The following AKAP6 variants were observed in gnomAD, a reference collection of about 807,000 sequenced individuals.
AKAP6 encodes the protein A-kinase anchoring protein 6.
Under a neutral mutation model 188.5 loss-of-function variants are expected in AKAP6, and 58 were observed. That is an observed-to-expected ratio of 0.31 (90% CI 0.25 to 0.38). AKAP6 has a LOEUF of 0.38. Ranked by LOEUF, AKAP6 falls within the 10% of genes least tolerant of loss-of-function variation. The pLI, the probability that AKAP6 is intolerant of heterozygous loss-of-function variation, is 1.00. For missense variants in AKAP6, 2,710 were observed against 2,740.0 expected (o/e 0.99, Z 0.24); for synonymous variants, 989 against 998.6 (o/e 0.99, Z 0.18).
At chr14:32,817,507 G>A (rs1323283803) in intron 12 of AKAP6, among the ~76,000 whole-genome samples, 1 of 151,816 alleles carries the variant, frequency 6.6e-6, no homozygotes, top group Non-Finnish European at 1.5e-5. Flanking sequence ...GTGTGTGTGT[G>A]TGTGTGTGTG....
intron 9 of AKAP6, among the ~76,000 whole-genome samples, chr14:32,705,693 C>A (rs934373040): frequency 2.0e-5 from 3 of 152,062 alleles, no homozygotes; most frequent in Admixed American, 1.3e-4. Context: ...TCAGGCTAGG[C>A]TAGGGTATGC....
intron 1 of AKAP6, among the ~76,000 whole-genome samples, chr14:32,384,258 G>A (rs992312577): frequency 5.9e-5 from 9 of 152,082 alleles, no homozygotes; most frequent in East Asian, 1.9e-4. Flanking sequence ...TTCTTTACTC[G>A]GTAAATTTTC....
chr14:32,821,751 G>A lies in AKAP6; in HGVS notation c.3938G>A (p.Gly1313Asp). Reference protein sequence around the residue: ...PFLKNNPKVTGMTQPNVLTKS... With the variant: ...PFLKNNPKVTDMTQPNVLTKS... ...CTGAAAAACAATCCAAAGGTCACTGGCATGACACAGCCTAATGTTTTAACT... is the reference window on the plus strand; with the variant it reads ...CTGAAAAACAATCCAAAGGTCACTGACATGACACAGCCTAATGTTTTAACT... Residue 1313 changes from glycine (G) to aspartate (D), a missense_variant, in exon 13 of 14, where the codon GGC becomes GAC. Gly to Asp is a moderately conservative substitution (Grantham distance 94). This residue lies in a region of AKAP6 where 2,473 missense variants were observed against 2,426.1 expected (regional missense o/e 1.02). Transcript: ENST00000280979. 1 of 1,613,692 alleles carries A rather than the reference G, an allele frequency of 6.2e-7. No individual in the cohort carries two copies. Among genetic ancestry groups the A allele is most frequent in the Non-Finnish European group, 8.5e-7 (1 of 1,179,908 alleles).
intron 1 of AKAP6, among the ~76,000 whole-genome samples, chr14:32,336,980 G>A (rs1886725301): frequency 6.6e-6 from 1 of 152,172 alleles, no homozygotes; most frequent in Admixed American, 6.5e-5. Flanking sequence ...TCCCTTGGAA[G>A]AAATCCGCTT....
At chr14:32,501,036 G>A (rs1233145563) in intron 2 of AKAP6, among the ~76,000 whole-genome samples, 1 of 152,106 alleles carries the variant, frequency 6.6e-6, no homozygotes, top group Non-Finnish European at 1.5e-5. Context: ...TTCAAGGACT[G>A]AGGTTCCTTC....
At chr14:32,736,786 C>T (rs1022179223) in intron 11 of AKAP6, among the ~76,000 whole-genome samples, 4 of 133,932 alleles carry the variant, frequency 3.0e-5, no homozygotes, top group African/African-American at 7.5e-5. Context: ...TCCAGTAATC[C>T]GTCAGAAAAT....
chr14:32,630,920 G>C (rs1209977059), intron 7 of AKAP6, among the ~76,000 whole-genome samples: 1 of 151,970 alleles, frequency 6.6e-6, no homozygotes, highest in Non-Finnish European at 1.5e-5. Flanking sequence ...ATATTCTTCT[G>C]GCTTCTTTTG....
chr14:32,466,670 C>T (rs1271255604), intron 2 of AKAP6, among the ~76,000 whole-genome samples: 1 of 149,486 alleles, frequency 6.7e-6, no homozygotes, highest in Non-Finnish European at 1.5e-5. Flanking sequence ...TGCAGCAAAC[C>T]ACCATGGCCC....
intron 2 of AKAP6, among the ~76,000 whole-genome samples, chr14:32,505,572 C>A (rs1880829534): frequency 1.3e-5 from 2 of 151,748 alleles, no homozygotes; most frequent in Admixed American, 6.6e-5. Flanking sequence ...CATATTGGAG[C>A]CTAAGCCAAA....
chr14:32,798,020 A>G (rs537349854), intron 12 of AKAP6, among the ~76,000 whole-genome samples: 84 of 152,246 alleles, frequency 5.5e-4, no homozygotes, highest in African/African-American at 1.9e-3. Context: ...AATATCCAGA[A>G]TCTAGAAGGA....
chr14:32,456,847 G>A (rs17099165), intron 2 of AKAP6, among the ~76,000 whole-genome samples: 4,010 of 152,248 alleles, frequency 0.026, 162 homozygotes, highest in African/African-American at 0.09. Context: ...TACCCAAGAG[G>A]AGGGAATTAC....
intron 7 of AKAP6, among the ~76,000 whole-genome samples, chr14:32,604,708 C>T (rs1023284047): frequency 2.6e-5 from 4 of 152,110 alleles, no homozygotes; most frequent in Non-Finnish European, 5.9e-5. Flanking sequence ...ATAATATCTG[C>T]CTCAAAGGGT....
intron 12 of AKAP6, among the ~76,000 whole-genome samples, chr14:32,781,868 C>T (rs1406078315): frequency 2.0e-5 from 3 of 151,872 alleles, no homozygotes; most frequent in African/African-American, 7.3e-5. Flanking sequence ...TCTCAGAAAC[C>T]TAAGGAAAAA....
At chr14:32,389,521 G>C (rs1888639832) in intron 1 of AKAP6, among the ~76,000 whole-genome samples, 1 of 152,050 alleles carries the variant, frequency 6.6e-6, no homozygotes, top group South Asian at 2.1e-4. Flanking sequence ...CCTTTTGGCA[G>C]TTCTTGTAGT....
intron 1 of AKAP6, among the ~76,000 whole-genome samples, chr14:32,353,953 A>G (rs571399334): frequency 6.6e-6 from 1 of 152,268 alleles, no homozygotes; most frequent in Admixed American, 6.5e-5. Context: ...TCACCGAAAT[A>G]AAAAAGGATA....
At chr14:32,474,365 A>G (rs1489559201) in intron 2 of AKAP6, 1 of 139,058 alleles carries the variant, frequency 7.2e-6, no homozygotes, top group Non-Finnish European at 1.6e-5. Context: ...TAACCCCTCA[A>G]ATCTTCCTAG....
At chr14:32,355,992 T>A (rs534649614) in intron 1 of AKAP6, among the ~76,000 whole-genome samples, 2 of 152,242 alleles carry the variant, frequency 1.3e-5, no homozygotes, top group South Asian at 4.1e-4. Context: ...TTGCCCAGGC[T>A]GATCTCAAAC....
intron 4 of AKAP6, among the ~76,000 whole-genome samples, chr14:32,575,685 G>A (rs977880138): frequency 1.3e-5 from 2 of 152,164 alleles, no homozygotes; most frequent in Non-Finnish European, 2.9e-5. Context: ...GTTGTGATAT[G>A]TATCCCTGGG....
chr14:32,829,519 A>G (rs1437902219), intron 13 of AKAP6, among the ~76,000 whole-genome samples: 3 of 129,368 alleles, frequency 2.3e-5, no homozygotes, highest in Admixed American at 7.6e-5. Context: ...AGCTATTTTG[A>G]TGTTCCAAAC....
Sources: allele counts gnomAD v4.1 joint callset (sites outside exome capture counted in the v4.1 genomes callset), GRCh38; gene constraint gnomAD v4.1.1; regional missense constraint gnomAD v4.1.1; transcripts MANE v1.5; gene names NCBI Gene and HGNC (gene_info 2026-07-23, HGNC 2026-07-21).